DCUN1D1: variants seen among roughly 807,000 people sequenced by gnomAD.
DCUN1D1 encodes the protein defective in cullin neddylation 1 domain containing 1, also known as DCN1-like protein 1.
DCUN1D1 carries 3 observed loss-of-function variants against 39.0 expected under a neutral mutation model. The ratio of observed to expected loss-of-function variants is 0.08; its 90% CI spans 0.04 to 0.20. The LOEUF (loss-of-function observed/expected upper bound fraction) is 0.20. Among genes scored for constraint, DCUN1D1 ranks in the 10% least tolerant of loss-of-function variants. The probability of loss-of-function intolerance (pLI) is 1.00; values close to 1 mark genes in which losing one functional copy is unlikely to be tolerated. For missense variants in DCUN1D1, 158 were observed against 302.4 expected, an observed-to-expected ratio of 0.52 and a Z score of 3.54; for synonymous variants, 82 against 96.3, an observed-to-expected ratio of 0.85 and a Z score of 0.87.
intron 4 of DCUN1D1, among the ~76,000 whole-genome samples, chr3:182,958,501 G>A (rs570661243): frequency 1.3e-5 from 2 of 152,056 alleles, no homozygotes; most frequent in East Asian, 3.9e-4. Context: ...GGCTGTGGGG[G>A]GGTCTTAAAT....
At chr3:182,979,732 C>A (rs1728428112) in intron 1 of DCUN1D1, among the ~76,000 whole-genome samples, 1 of 151,932 alleles carries the variant, frequency 6.6e-6, no homozygotes, top group Non-Finnish European at 1.5e-5. Context: ...CTCGAAAGGG[C>A]GCTCGCTAGT....
At chr3:182,965,450 G>A in intron 2 of DCUN1D1, 87 bp downstream of exon 2, 2 of 792,714 alleles carry the variant, frequency 2.5e-6, no homozygotes, top group South Asian at 3.7e-5. Context: ...CCCAATTTAA[G>A]TTATATATAG....
Position 182,965,651 on chromosome 3 carries a change from T to G in DCUN1D1, c.106A>C (p.Lys36Gln). Residue 36 changes from lysine to glutamine, a missense_variant, in exon 2 of 7, where the codon AAG (lysine) becomes CAG (glutamine). Physicochemically the swap from Lys to Gln is moderately conservative, Grantham distance 53. Coordinates refer to ENST00000292782, the MANE Select transcript of DCUN1D1 (RefSeq NM_020640.4). Reference sequence around the variant, plus strand: ...AAATTATCTGTTGCAACATCTAACTTCCAGTCATTTTGAGAAAGACAACTT... The same window carrying G: ...AAATTATCTGTTGCAACATCTAACTGCCAGTCATTTTGAGAAAGACAACTT... ...AVSCLSQNDW[K>Q]LDVATDNFFQ... 1 of 1,613,600 alleles carries G rather than the reference T, an allele frequency of 6.2e-7. No homozygotes were observed. The highest frequency in any genetic ancestry group is 8.5e-7 in the Non-Finnish European group (1 of 1,179,630).
chr3:182,967,140 A>AC (rs1727710387), intron 1 of DCUN1D1, among the ~76,000 whole-genome samples: 1 of 63,808 alleles, frequency 1.6e-5, no homozygotes, highest in African/African-American at 3.0e-5. Context: ...ATATATATAT[A>AC]TATATATATA....
In DCUN1D1 at chr3:182,945,107, C is replaced by A. The variant is rs755135817; in HGVS notation, c.767G>T (p.Ser256Ile). 2 of 1,612,904 alleles carry A rather than the reference C, an allele frequency of 1.2e-6. No individual in the cohort carries two copies. Among genetic ancestry groups the A allele is most frequent in the Non-Finnish European group, 1.7e-6 (2 of 1,179,694 alleles). Residue 256 changes from serine (S) to isoleucine (I), a missense_variant, in exon 7 of 7, where the codon AGT (serine) becomes ATT (isoleucine). Ser to Ile is a moderately radical substitution (Grantham distance 142). Transcript: ENST00000292782. The part of the protein sequence containing the change: ...FARPQIAGTK[S>I]TTV ...GTTCCTTTAGTGCTACACTGTTGTA[C>A]TTTTTGTCCCAGCAATTTGAGGGCG...
chr3:182,956,245 G>T, intron 4 of DCUN1D1: 1 of 287,706 alleles, frequency 3.5e-6, no homozygotes. Context: ...CATTTTTGAA[G>T]CTAAATATAT....
intron 2 of DCUN1D1, among the ~76,000 whole-genome samples, chr3:182,965,066 ACT>A (rs2108378200): frequency 6.6e-6 from 1 of 152,268 alleles, no homozygotes; most frequent in African/African-American, 2.4e-5. Context: ...TTTGAAAGAA[ACT>A]CTGTAAATAT....
upstream of DCUN1D1, chr3:182,985,456 C>T (rs995793118): frequency 1.3e-5 from 2 of 152,204 alleles, no homozygotes; most frequent in African/African-American, 4.8e-5. Flanking sequence ...ATGGAAAAAC[C>T]CTGTCTCTAC....
At chr3:182,976,205 G>C (rs1458463710) in intron 1 of DCUN1D1, among the ~76,000 whole-genome samples, 1 of 151,986 alleles carries the variant, frequency 6.6e-6, no homozygotes, top group African/African-American at 2.4e-5. Flanking sequence ...ACTGTAATAA[G>C]GGTCTTCTGA....
chr3:182,975,710 A>C (rs1480413359), intron 1 of DCUN1D1, among the ~76,000 whole-genome samples: 1 of 151,614 alleles, frequency 6.6e-6, no homozygotes, highest in African/African-American at 2.4e-5. Flanking sequence ...AAAACAAAAA[A>C]CAAAAAACAG....
chr3:182,967,270 A>G (rs1727719848), intron 1 of DCUN1D1, among the ~76,000 whole-genome samples: 1 of 151,948 alleles, frequency 6.6e-6, no homozygotes, highest in African/African-American at 2.4e-5. Flanking sequence ...AACCTTAACC[A>G]GAAGGTTAAG....
chr3:182,946,750 G>C (rs1424920385), intron 6 of DCUN1D1, among the ~76,000 whole-genome samples: 1 of 151,972 alleles, frequency 6.6e-6, no homozygotes, highest in Non-Finnish European at 1.5e-5. Flanking sequence ...ATGCTGAGTA[G>C]GAATTGAAGG....
At chr3:182,951,118 T>C (rs749206553) in intron 4 of DCUN1D1, 6 of 152,108 alleles carry the variant, frequency 3.9e-5, no homozygotes, top group Non-Finnish European at 8.8e-5. Context: ...TTCCAGGTTG[T>C]TCAATTCTGT....
chr3:182,957,342 G>A (rs1404923629), intron 4 of DCUN1D1, among the ~76,000 whole-genome samples: 1 of 152,088 alleles, frequency 6.6e-6, no homozygotes, highest in Non-Finnish European at 1.5e-5. Context: ...TCAGAAAATG[G>A]CAGGCTGGGT....
upstream of DCUN1D1, among the ~76,000 whole-genome samples, chr3:182,981,168 G>C (rs1360454295): frequency 6.6e-6 from 1 of 152,078 alleles, no homozygotes; most frequent in African/African-American, 2.4e-5. Context: ...GCTCTCCCCA[G>C]ACCTGTCTAC....
upstream of DCUN1D1, chr3:182,980,612 G>A (rs886402047): frequency 2.0e-5 from 21 of 1,062,554 alleles, no homozygotes; most frequent in Non-Finnish European, 1.9e-5. Context: ...GGGGCGGCCC[G>A]GCGCGGCCCG....
At chr3:182,972,860 T>C (rs769301682) in intron 1 of DCUN1D1, among the ~76,000 whole-genome samples, 2 of 152,038 alleles carry the variant, frequency 1.3e-5, no homozygotes, top group African/African-American at 2.4e-5. Context: ...CTGATCAACA[T>C]GGAGAAACCC....
Position 182,944,756 on chromosome 3 carries a change from T to C in DCUN1D1, c.*338A>G, listed in dbSNP as rs1726309432. 1 of 196,116 alleles carries C rather than the reference T, an allele frequency of 5.1e-6. No individual in the cohort carries two copies. The highest frequency in any genetic ancestry group is 1.0e-5 in the Non-Finnish European group (1 of 95,762). The allele number at this position is 196,116 out of a possible 1,614,324, so 12.1% of individuals were successfully genotyped here. On this transcript the variant is annotated 3_prime_UTR_variant, in exon 7 of 7. Transcript: ENST00000292782. ...AACTGTTTTCTGATGAAGACAGCAT[T>C]GTGCTTTATGCGAGAATGAAAACCT...
intron 4 of DCUN1D1, among the ~76,000 whole-genome samples, chr3:182,952,316 G>A (rs1726794843): frequency 6.6e-6 from 1 of 151,892 alleles, no homozygotes; most frequent in African/African-American, 2.4e-5. Context: ...ATTACATGTT[G>A]GTGTTTTGTA....
Sources: gnomAD v4.1 joint callset for allele counts (sites outside exome capture counted in the v4.1 genomes callset) on GRCh38, gnomAD v4.1.1 for gene constraint, MANE v1.5 for transcripts, NCBI Gene and HGNC (gene_info 2026-07-23, HGNC 2026-07-21) for gene names.